The following CT47B1 variants were observed in gnomAD, a reference collection of about 807,000 sequenced individuals.
CT47B1 encodes cancer/testis CT47 family, member 13.
CT47B1 carries 24 observed loss-of-function variants against 12.8 expected under a neutral mutation model. That is an observed-to-expected ratio of 1.87 (90% CI 1.36 to 2.63). CT47B1 has a LOEUF of 2.63. CT47B1 is among the 30% of genes most tolerant of loss of function. CT47B1 has a pLI of 0.00. For synonymous variants in CT47B1, 228 were observed against 133.3 expected, an observed-to-expected ratio of 1.71 and a Z score of -4.89; for missense variants, 523 against 271.3, an observed-to-expected ratio of 1.93 and a Z score of -6.52.
Position 120,873,939 on chromosome X carries a change from T to C in CT47B1, c.857A>G (p.Glu286Gly). ...AGEEEKEQEK[E>G]KDVENKVKNS... ...CTTCACCTTGTTTTCCACATCCTTC[T>C]CTTTTTCTTGTTCTTTCTCTTCCTC... The change falls in exon 2 of 3, where the codon GAG becomes GGG. Residue 286 changes from glutamate (E) to glycine (G), a missense_variant. By Grantham distance (98) the Glu-to-Gly change is moderately conservative. Transcript: ENST00000371311. 1 of 1,168,647 alleles carries C rather than the reference T, an allele frequency of 8.6e-7. No individual in the cohort carries two copies. Among genetic ancestry groups the C allele is most frequent in the Non-Finnish European group, 1.1e-6 (1 of 883,313 alleles).
rs1307849686 is a variant in CT47B1, at chrX:120,875,774, C to A, written c.-104G>T. The A allele has an allele frequency of 5.3e-6, 3 of 570,886 alleles. No individual in the cohort carries two copies. Among genetic ancestry groups the A allele is most frequent in the East Asian group, 7.6e-5 (2 of 26,359 alleles). 47.0% of individuals were successfully genotyped at this position (570,886 alleles called of 1,213,427 possible). ...CGGCCGAGGGGAGGCGAGGAGCTGG[C>A]CGCTGAGGGAATAAGAGTCTTTCTC... On this transcript the variant is annotated 5_prime_UTR_variant, in exon 1 of 3. Coordinates refer to ENST00000371311, the MANE Select transcript of CT47B1 (RefSeq NM_001145718.3).
rs1360944839 is a variant in CT47B1 at position 120,875,359 on chromosome X, G to C, written c.312C>G (p.Ala104=). 8.3e-6 allele frequency: 10 copies of C among 1,208,509 alleles called. No homozygotes were observed. The highest frequency in any genetic ancestry group is 1.1e-5 in the Non-Finnish European group (10 of 893,873). ...EEEEEEGNEA[A]NFDLAVATRR... is the part of the protein sequence containing the mutation. Reference sequence around the variant, plus strand: ...GGGTGGCCACCGCCAAGTCGAAGTTGGCCGCCTCGTTCCCCTCTTCCTCCT... The same window carrying C: ...GGGTGGCCACCGCCAAGTCGAAGTTCGCCGCCTCGTTCCCCTCTTCCTCCT... Residue 104 remains alanine, a synonymous_variant, in exon 1 of 3, where the codon GCC becomes GCG. Transcript: ENST00000371311.
In CT47B1 at chrX:120,875,325, G is replaced by A. The variant is rs1481326475; in HGVS notation, c.346C>T (p.Pro116Ser). Residue 116 changes from proline (P) to serine (S), a missense_variant, in exon 1 of 3, where the codon CCG (proline) becomes TCG (serine). Coordinates refer to ENST00000371311, the MANE Select transcript of CT47B1 (RefSeq NM_001145718.3). The stretch of plus-strand genomic sequence containing the variant: ...AACACGAAGCCAATGCCCGCCGCCG[G>A]GTACCGACGGGTGGCCACCGCCAAG... The part of the protein sequence containing the change: ...FDLAVATRRY[P>S]AAGIGFVFLY... 8.3e-7 allele frequency: 1 copy of A among 1,210,762 alleles called. No individual in the cohort carries two copies. The highest frequency in any genetic ancestry group is 1.1e-6 in the Non-Finnish European group (1 of 894,698).
chrX:120,875,720 G>C lies in CT47B1; in HGVS notation c.-50C>G. 1 of 544,964 alleles carries C rather than the reference G, an allele frequency of 1.8e-6. No homozygotes were observed. Among genetic ancestry groups the C allele is most frequent in the Non-Finnish European group, 2.7e-6 (1 of 367,646 alleles). The allele number at this position is 544,964 out of a possible 1,213,427, so 44.9% of individuals were successfully genotyped here. ...GTGGCGAGCGGGCTGAGGCGACCACGGTGAAGACGGTGACCACTGAGGTGG... is the reference window on the plus strand; with the variant it reads ...GTGGCGAGCGGGCTGAGGCGACCACCGTGAAGACGGTGACCACTGAGGTGG... On this transcript the variant is annotated 5_prime_UTR_variant, in exon 1 of 3. Coordinates refer to ENST00000371311, the MANE Select transcript of CT47B1 (RefSeq NM_001145718.3).
In CT47B1 at chrX:120,874,997, T is replaced by C; in HGVS notation, c.674A>G (p.Glu225Gly). 4 of 1,210,139 alleles carry C rather than the reference T, an allele frequency of 3.3e-6. No individual in the cohort carries two copies. The highest frequency in any genetic ancestry group is 4.5e-6 in the Non-Finnish European group (4 of 894,809). Residue 225 changes from glutamate to glycine, a missense_variant, in exon 1 of 3, where the codon GAG (glutamate) becomes GGG (glycine). By Grantham distance (98) the Glu-to-Gly change is moderately conservative. Coordinates refer to ENST00000371311, the MANE Select transcript of CT47B1 (RefSeq NM_001145718.3). Reference sequence around the variant, plus strand: ...CTCTGCGGCCTCCTCTGGGGGTTTCTCATCTGCGGCCTCCTCCGCGGGCTC... The same window carrying C: ...CTCTGCGGCCTCCTCTGGGGGTTTCCCATCTGCGGCCTCCTCCGCGGGCTC... The part of the protein sequence containing the change: ...AREPAEEAAD[E>G]KPPEEAAEEK...
chrX:120,874,487 G>A (rs1262330470), intron 1 of CT47B1, among the ~76,000 whole-genome samples: 1 of 110,646 alleles, frequency 9.0e-6, no homozygotes, highest in Non-Finnish European at 1.9e-5. Flanking sequence ...AACTTTCTAC[G>A]AATCTTTACA....
chrX:120,875,119 G>A lies in CT47B1; in HGVS notation c.552C>T (p.Gly184=), dbSNP rs751300926. The A allele has an allele frequency of 1.8e-5, 22 of 1,208,739 alleles. No homozygotes were observed. The highest frequency in any genetic ancestry group is 1.2e-4 in the African/African-American group (7 of 57,357). The change falls in exon 1 of 3, where the codon GGC becomes GGT. Residue 184 remains glycine (G), a synonymous_variant. Coordinates refer to ENST00000371311, the MANE Select transcript of CT47B1 (RefSeq NM_001145718.3). The stretch of plus-strand genomic sequence containing the variant: ...CCTCCTGGATCAGGCCGAGGCCCTC[G>A]CCTTCTGGGGCTGCAGCCCCTGCAC... ...RLGAGAAAPE[G]EGLGLIQEAA... is the part of the protein sequence containing the mutation.
rs377302141 is a variant in CT47B1, at chrX:120,874,935, C to T, written c.736G>A (p.Ala246Thr). ...GCCTCCTCTGAGGTCGGTTCCTCTG[C>T]GGCCGGTTCCTCTGTGGCCTCCTCT... Reference protein sequence around the residue: ...LTEEATEEPAAEEPTSEEAVA... With the variant: ...LTEEATEEPATEEPTSEEAVA... Residue 246 changes from alanine to threonine, a missense_variant, in exon 1 of 3, where the codon GCA becomes ACA. Transcript: ENST00000371311. 18 of 1,208,610 alleles carry T rather than the reference C, an allele frequency of 1.5e-5. No homozygotes were observed. The highest frequency in any genetic ancestry group is 1.1e-4 in the South Asian group (6 of 56,810).
chrX:120,874,806 C>G, intron 1 of CT47B1, 90 bp downstream of exon 1: 1 of 1,148,850 alleles, frequency 8.7e-7, no homozygotes, highest in Non-Finnish European at 1.2e-6. Context: ...TCACCACCCG[C>G]TTCACCAGCT....
In CT47B1 at chrX:120,874,950, T is replaced by C. The variant is rs200284270; in HGVS notation, c.721A>G (p.Thr241Ala). The C allele has an allele frequency of 1.1e-5, 13 of 1,198,179 alleles. No homozygotes were observed. The highest frequency in any genetic ancestry group is 1.5e-5 in the Non-Finnish European group (13 of 885,774). ...AAEEKLTEEA[T>A]EEPAAEEPTS... ...GGTTCCTCTGCGGCCGGTTCCTCTG[T>C]GGCCTCCTCTGTGAGCTTCTCCTCT... is the stretch of plus-strand genomic sequence containing the variant. Residue 241 changes from threonine to alanine, a missense_variant, in exon 1 of 3, where the codon ACA becomes GCA. Coordinates refer to ENST00000371311, the MANE Select transcript of CT47B1 (RefSeq NM_001145718.3).
chrX:120,873,515 C>T (rs1923828305), intron 2 of CT47B1, among the ~76,000 whole-genome samples: 1 of 79,769 alleles, frequency 1.3e-5, no homozygotes, highest in African/African-American at 4.3e-5. Flanking sequence ...ATGCGTGGCC[C>T]AGCCAAGTTA....
chrX:120,874,542 C>A (rs1216823812), intron 1 of CT47B1, among the ~76,000 whole-genome samples: 1 of 111,050 alleles, frequency 9.0e-6, no homozygotes, highest in African/African-American at 3.3e-5. Flanking sequence ...CTCCCATTTG[C>A]CTGTTCTTTT....
At position 120,875,416 on chromosome X, in the gene CT47B1, T is replaced by A; in HGVS notation, c.255A>T (p.Ser85=). The A allele has an allele frequency of 8.3e-7, 1 of 1,208,687 alleles. No individual in the cohort carries two copies. Among genetic ancestry groups the A allele is most frequent in the Non-Finnish European group, 1.1e-6 (1 of 894,272 alleles). ...VPQGGSAEED[S]DIGPATEEEE... Reference sequence around the variant, plus strand: ...CTTCCTCCGTCGCGGGCCCGATATCTGAGTCCTCCTCGGCGCTCCCGCCCT... The same window carrying A: ...CTTCCTCCGTCGCGGGCCCGATATCAGAGTCCTCCTCGGCGCTCCCGCCCT... The change falls in exon 1 of 3, where the codon TCA becomes TCT. Residue 85 remains serine, a synonymous_variant. Transcript: ENST00000371311.
chrX:120,873,105 G>A (rs1188219057), intron 2 of CT47B1, among the ~76,000 whole-genome samples: 18 of 99,327 alleles, frequency 1.8e-4, no homozygotes, highest in African/African-American at 6.1e-4. Flanking sequence ...AACAGCCTGT[G>A]CTGGTTCCAC....
At position 120,874,904 on chromosome X, in the gene CT47B1, G is replaced by T. The variant is rs749297674; in HGVS notation, c.767C>A (p.Ala256Asp). 40 of 1,207,824 alleles carry T rather than the reference G, an allele frequency of 3.3e-5. No individual in the cohort carries two copies. The South Asian group carries it at 6.0e-4, about 18-fold the overall frequency. The change falls in exon 1 of 3, where the codon GCC (alanine) becomes GAC (aspartate). Residue 256 changes from alanine to aspartate, a missense_variant. Ala to Asp is a moderately radical substitution (Grantham distance 126). Transcript: ENST00000371311. ...AEEPTSEEAV[A>D]PEEVTKSQPE... ...GCCGCTAGCCCCCTTACCCTCGGGGGCCACGGCCTCCTCTGAGGTCGGTTC... is the reference window on the plus strand; with the variant it reads ...GCCGCTAGCCCCCTTACCCTCGGGGTCCACGGCCTCCTCTGAGGTCGGTTC...
intron 1 of CT47B1, 78 bp downstream of exon 1, chrX:120,874,818 T>G: frequency 8.6e-7 from 1 of 1,166,924 alleles, no homozygotes; most frequent in African/African-American, 1.8e-5. Flanking sequence ...TCACCAGCTG[T>G]GCCCGCACCG....
In CT47B1 at chrX:120,873,857, A is replaced by G; in HGVS notation, c.*31+8T>C. 1 of 967,431 alleles carries G rather than the reference A, an allele frequency of 1.0e-6. No individual in the cohort carries two copies. Among genetic ancestry groups the G allele is most frequent in the Non-Finnish European group, 1.4e-6 (1 of 724,061 alleles). 79.7% of individuals were successfully genotyped at this position (967,431 alleles called of 1,213,427 possible). A position where few individuals can be genotyped will look rare whatever the true frequency, so the allele number is the denominator to read the frequency against. ...AGTTGACTGATTCTCAAAGCTATAC[A>G]CAGATACCTGGATTTTCTTGGCTTC... On this transcript the variant is annotated splice_region_variant and intron_variant, in intron 2 of 2. Coordinates refer to ENST00000371311, the MANE Select transcript of CT47B1 (RefSeq NM_001145718.3).
chrX:120,874,568 G>A (rs960220918), intron 1 of CT47B1, among the ~76,000 whole-genome samples: 2 of 110,851 alleles, frequency 1.8e-5, no homozygotes, highest in Non-Finnish European at 3.8e-5. Flanking sequence ...TGTTTCCTGC[G>A]GAGCTCCCTC....
rs752953941 is a variant in CT47B1 at position 120,875,050 on chromosome X, C to T, written c.621G>A (p.Val207=). Residue 207 remains valine, a synonymous_variant, in exon 1 of 3, where the codon GTG becomes GTA. Transcript: ENST00000371311. ...TGGCCATCTCGGCCAGGTCAGCTGG[C>T]ACTGCAGGCTCTGGGACCGACGCGG... ...QEAASVPEPA[V]PADLAEMARE... 5 of 1,210,007 alleles carry T rather than the reference C, an allele frequency of 4.1e-6. No individual in the cohort carries two copies. In the South Asian group the frequency reaches 7.0e-5, roughly 17 times the overall value.
Sources: allele counts gnomAD v4.1 joint callset (sites outside exome capture counted in the v4.1 genomes callset), GRCh38; gene constraint gnomAD v4.1.1; transcripts MANE v1.5; gene names NCBI Gene and HGNC (gene_info 2026-07-23, HGNC 2026-07-21).